Variants in SIRT4 observed in about 807,000 individuals in gnomAD.
SIRT4 encodes the protein NAD-dependent protein lipoamidase sirtuin-4, mitochondrial.
SIRT4 carries 23 observed loss-of-function variants against 26.1 expected under a neutral mutation model. The observed-to-expected ratio is 0.88, with a 90% CI of 0.63 to 1.25. The LOEUF (loss-of-function observed/expected upper bound fraction) is 1.25. SIRT4 is among the 50% of genes most tolerant of loss of function. The pLI is 0.00. For synonymous variants in SIRT4, 155 were observed against 158.4 expected (o/e 0.98, Z 0.16); for missense variants, 361 against 405.4 (o/e 0.89, Z 0.94).
chr12:120,295,037 G>C, the SIRT4 span, among the ~76,000 whole-genome samples: 3 of 147,382 alleles, frequency 2.0e-5, no homozygotes, highest in African/African-American at 7.5e-5. Flanking sequence ...CACCATGTTG[G>C]CCAGGCTGGT....
At chr12:120,292,194 G>C in the SIRT4 span, among the ~76,000 whole-genome samples, 1 of 152,252 alleles carries the variant, frequency 6.6e-6, no homozygotes, top group Non-Finnish European at 1.5e-5. Context: ...AGAGTGAGCA[G>C]TGGGAAAGCG....
At chr12:120,292,669 T>C in the SIRT4 span, among the ~76,000 whole-genome samples, 2 of 150,326 alleles carry the variant, frequency 1.3e-5, no homozygotes, top group African/African-American at 2.5e-5. Context: ...CCGCCCTGCA[T>C]TTACCTTAAA....
chr12:120,305,868 T>C (rs1179445053), intron 2 of SIRT4, among the ~76,000 whole-genome samples: 1 of 151,908 alleles, frequency 6.6e-6, no homozygotes, highest in Non-Finnish European at 1.5e-5. Flanking sequence ...AAAAATTAGC[T>C]GGGCGCGGTG....
chr12:120,293,119 T>G, the SIRT4 span: 3 of 152,148 alleles, frequency 2.0e-5, no homozygotes, highest in African/African-American at 7.2e-5. Context: ...CTGTCAAAAA[T>G]TGCCAGTGCC....
At chr12:120,300,283 C>T (rs139733885), upstream of SIRT4, among the ~76,000 whole-genome samples, 1 of 150,960 alleles carries the variant, frequency 6.6e-6, no homozygotes, top group African/African-American at 2.4e-5. Flanking sequence ...CAGAACGAGA[C>T]CCTGTCTCAA....
intron 2 of SIRT4, among the ~76,000 whole-genome samples, chr12:120,308,096 C>T (rs1872812197): frequency 6.6e-6 from 1 of 151,624 alleles, no homozygotes; most frequent in South Asian, 2.1e-4. Context: ...AGCTCAAGCC[C>T]TCCTCCTGCC....
intron 2 of SIRT4, among the ~76,000 whole-genome samples, chr12:120,308,270 A>G (rs1183573498): frequency 6.7e-6 from 1 of 150,268 alleles, no homozygotes; most frequent in Non-Finnish European, 1.5e-5. Context: ...CCTGGGTTCA[A>G]GTGATTCTCC....
chr12:120,293,546 G>GTGTAACAGACTTCT, the SIRT4 span, among the ~76,000 whole-genome samples: 2 of 152,172 alleles, frequency 1.3e-5, no homozygotes, highest in Non-Finnish European at 2.9e-5. Flanking sequence ...TCCAGATTCA[G>GTGTAACAGACTTCT]TGTAACAGAC....
chr12:120,303,729 A>G lies in SIRT4; in HGVS notation c.168A>G (p.Arg56=), dbSNP rs1194657338. 4 of 1,613,566 alleles carry G rather than the reference A, an allele frequency of 2.5e-6. No homozygotes were observed. In the East Asian group the frequency reaches 8.9e-5, roughly 36 times the overall value. The change falls in exon 2 of 4, where the codon AGA becomes AGG. Residue 56 remains arginine (R), a synonymous_variant. Transcript: ENST00000202967. ...ELQRFITLSK[R]LLVMTGAGIS... is the part of the protein sequence containing the mutation. ...AGCGCTTCATCACCCTTTCCAAGAG[A>G]CTCCTTGTGATGACTGGGGCAGGAA...
chr12:120,291,791 A>C, the SIRT4 span: 14 of 152,292 alleles, frequency 9.2e-5, no homozygotes, highest in East Asian at 1.7e-3. Context: ...AAAATTGCCA[A>C]TGCCGACTAT....
At chr12:120,295,545 AGCCACCGC>A in the SIRT4 span, among the ~76,000 whole-genome samples, 1 of 149,828 alleles carries the variant, frequency 6.7e-6, no homozygotes, top group African/African-American at 2.5e-5. Flanking sequence ...TACAGGTGTG[AGCCACCGC>A]GCCTGGCCCC....
At chr12:120,297,269 A>AAAAT in the SIRT4 span, among the ~76,000 whole-genome samples, 4 of 149,852 alleles carry the variant, frequency 2.7e-5, no homozygotes, top group East Asian at 3.9e-4. Context: ...TACATAAAAT[A>AAAAT]AAATAAATAA....
upstream of SIRT4, among the ~76,000 whole-genome samples, chr12:120,301,278 G>A (rs1242253894): frequency 6.6e-6 from 1 of 152,170 alleles, no homozygotes. Flanking sequence ...CCGGGAGGCG[G>A]AGGTTGCAGT....
chr12:120,309,161 G>C (rs1056340186), intron 2 of SIRT4, among the ~76,000 whole-genome samples: 1 of 151,950 alleles, frequency 6.6e-6, no homozygotes, highest in Non-Finnish European at 1.5e-5. Context: ...CAGCCTGGGC[G>C]ACAAGAGTGA....
the SIRT4 span, among the ~76,000 whole-genome samples, chr12:120,292,369 G>A: frequency 3.9e-5 from 6 of 152,178 alleles, no homozygotes; most frequent in Admixed American, 3.3e-4. Flanking sequence ...CTGGGAGGCC[G>A]AGGCGGGTGG....
At chr12:120,303,475 A>G in intron 1 of SIRT4, 86 bp from the exon 2 acceptor site, 2 of 1,477,716 alleles carry the variant, frequency 1.4e-6, no homozygotes, top group Non-Finnish European at 1.8e-6. Flanking sequence ...ACTCTGTCTC[A>G]AAAAACAAAA....
chr12:120,307,381 C>A (rs892328180), intron 2 of SIRT4, among the ~76,000 whole-genome samples: 1 of 151,838 alleles, frequency 6.6e-6, no homozygotes, highest in Non-Finnish European at 1.5e-5. Flanking sequence ...CCCAGCTACT[C>A]GGGAGGCTGA....
At chr12:120,305,433 T>A (rs1302328196) in intron 2 of SIRT4, among the ~76,000 whole-genome samples, 1 of 152,074 alleles carries the variant, frequency 6.6e-6, no homozygotes, top group Non-Finnish European at 1.5e-5. Context: ...AATTTAATTT[T>A]TATTTTTTGT....
chr12:120,296,597 T>C, the SIRT4 span, among the ~76,000 whole-genome samples: 3 of 149,114 alleles, frequency 2.0e-5, no homozygotes, highest in South Asian at 2.1e-4. Context: ...AGCCTAAATC[T>C]CCTGGGCTCA....
Sources: allele counts gnomAD v4.1 joint callset (sites outside exome capture counted in the v4.1 genomes callset), GRCh38; gene constraint gnomAD v4.1.1; transcripts MANE v1.5; gene names NCBI Gene and HGNC (gene_info 2026-07-23, HGNC 2026-07-21).